The following PRDM16 variants were observed in gnomAD, a reference collection of about 807,000 sequenced individuals.
PRDM16 encodes PR/SET domain 16.
A neutral mutation model predicts 110.6 loss-of-function variants in PRDM16; 23 were observed. The ratio of observed to expected loss-of-function variants is 0.21; its 90% CI spans 0.15 to 0.29. PRDM16 has a LOEUF of 0.29. Among genes scored for constraint, PRDM16 ranks in the 10% least tolerant of loss-of-function variants. The pLI is 1.00. For synonymous variants in PRDM16, 799 were observed against 781.8 expected (o/e 1.02, Z -0.37); for missense variants, 1,615 against 1,794.3 (o/e 0.90, Z 1.81).
Position 3,425,244 on chromosome 1 carries a change from AT to A in PRDM16, c.2940-330del, listed in dbSNP as rs1259519600. 1.2e-4 allele frequency: 22 copies of A among 181,930 alleles called. No homozygotes were observed. The highest frequency in any genetic ancestry group is 4.7e-4 in the African/African-American group (20 of 42,300). 11.3% of individuals were successfully genotyped at this position (181,930 alleles called of 1,614,324 possible). On this transcript the variant is annotated intron_variant, in intron 12 of 16. Transcript: ENST00000270722. The surrounding 1 kb of genome is among the most constrained non-coding windows in gnomAD (Gnocchi z 6.9). ...AGGCGCCCACCACCACGACTGGCTG[AT>A]TTTTTTGTATTTTTAGTAGAGACGG... is the stretch of plus-strand genomic sequence containing the variant.
intron 1 of PRDM16, among the ~76,000 whole-genome samples, chr1:3,154,254 C>T (rs1226049201): frequency 6.6e-6 from 1 of 152,182 alleles, no homozygotes; most frequent in Non-Finnish European, 1.5e-5. Context: ...GGCGCTGTCA[C>T]CACGGGCTGG....
chr1:3,253,601 T>C (rs1639987952), intron 3 of PRDM16, among the ~76,000 whole-genome samples: 1 of 151,986 alleles, frequency 6.6e-6, no homozygotes. Context: ...CTTAATCCAG[T>C]CTATCATTGT....
At position 3,436,527 on chromosome 1, in the gene PRDM16, T is replaced by C; in HGVS notation, c.*2716T>C. 4.3e-6 allele frequency: 1 copy of C among 230,792 alleles called. No homozygotes were observed. The allele number at this position is 230,792 out of a possible 1,614,324, so 14.3% of individuals were successfully genotyped here. On this transcript the variant is annotated 3_prime_UTR_variant, in exon 17 of 17. Coordinates refer to ENST00000270722, the MANE Select transcript of PRDM16 (RefSeq NM_022114.4). ...AGCACTTGGCGTTTTCAGGAGGCCC[T>C]GTTCTTAGAGCCCCTGACAAAGGCA... is the stretch of plus-strand genomic sequence containing the variant.
intron 8 of PRDM16, among the ~76,000 whole-genome samples, chr1:3,408,157 C>T (rs905305154): frequency 3.3e-5 from 5 of 152,290 alleles, no homozygotes; most frequent in South Asian, 2.1e-4. Flanking sequence ...GTCACAGCTG[C>T]GCAGGCGCTC....
At chr1:3,285,515 G>A (rs1196311394) in intron 3 of PRDM16, among the ~76,000 whole-genome samples, 1 of 152,166 alleles carries the variant, frequency 6.6e-6, no homozygotes, top group Admixed American at 6.5e-5. Context: ...CCTGGGAGCA[G>A]GCATGCTCCC....
chr1:3,335,027 A>G (rs1316830943), intron 3 of PRDM16, among the ~76,000 whole-genome samples: 1 of 152,194 alleles, frequency 6.6e-6, no homozygotes, highest in Non-Finnish European at 1.5e-5. Context: ...CAGCCCCGCC[A>G]TGTCAAGGGC....
intron 3 of PRDM16, among the ~76,000 whole-genome samples, chr1:3,326,210 C>A (rs1247347178): frequency 2.0e-5 from 3 of 152,198 alleles, no homozygotes; most frequent in Non-Finnish European, 4.4e-5. Flanking sequence ...CCTTGGCCCT[C>A]CTTGGCCATT....
chr1:3,224,277 T>G (rs2100871432), intron 2 of PRDM16, among the ~76,000 whole-genome samples: 1 of 152,306 alleles, frequency 6.6e-6, no homozygotes, highest in East Asian at 1.9e-4. Context: ...AATTCATAAT[T>G]GAACTCCATT....
chr1:3,402,870 G>T lies in PRDM16; in HGVS notation c.756G>T (p.Thr252=). The T allele has an allele frequency of 1.2e-6, 2 of 1,613,118 alleles. No homozygotes were observed. Among genetic ancestry groups the T allele is most frequent in the Non-Finnish European group, 1.7e-6 (2 of 1,180,006 alleles). ...ACCTGCGGCGCCATAAGAAGTACAC[G>T]TGTGGCTCAGTGGGGGCTGCGCTCT... is the stretch of plus-strand genomic sequence containing the variant. ...KLDLRRHKKY[T]CGSVGAALYE... The change falls in exon 6 of 17, where the codon ACG becomes ACT. Residue 252 remains threonine (T), a synonymous_variant. Transcript: ENST00000270722.
chr1:3,273,309 C>G lies in PRDM16; in HGVS notation c.438+29172C>G, dbSNP rs114304814. Among the ~76,000 whole-genome samples, 477 of 152,270 alleles carry G rather than the reference C, an allele frequency of 3.1e-3. 1 individual carries two copies. Among genetic ancestry groups the G allele is most frequent in the African/African-American group, 0.01 (436 of 41,548 alleles). ...CCAGAAGAAAGCCTGTTCTGCCATT[C>G]GAGGTGCCTTCTGGGCAGGAGTGGG... On this transcript the variant is annotated intron_variant, in intron 3 of 16. Transcript: ENST00000270722.
At chr1:3,155,093 G>A (rs1348617873) in intron 1 of PRDM16, among the ~76,000 whole-genome samples, 5 of 152,144 alleles carry the variant, frequency 3.3e-5, no homozygotes, top group Non-Finnish European at 1.5e-5. Context: ...GGCCAGCCTG[G>A]CATCCCCCCG....
intron 1 of PRDM16, among the ~76,000 whole-genome samples, chr1:3,163,865 G>A (rs1373356672): frequency 6.6e-6 from 1 of 152,212 alleles, no homozygotes; most frequent in Non-Finnish European, 1.5e-5. Flanking sequence ...TTAACCCATC[G>A]CATCCGTGAT....
chr1:3,326,581 G>T (rs1570079085), intron 3 of PRDM16, among the ~76,000 whole-genome samples: 1 of 152,086 alleles, frequency 6.6e-6, no homozygotes, highest in East Asian at 1.9e-4. Flanking sequence ...CCTCCCCTTT[G>T]GCACCTCAGG....
In PRDM16 at chr1:3,430,737, G is replaced by A. The variant is rs373310921; in HGVS notation, c.3285-135G>A. The stretch of plus-strand genomic sequence containing the variant: ...TCAGTGGCTGGGCCCAGGGACCCGC[G>A]GGAGCTCCCTCAGGAAGGGGGCTGA... On this transcript the variant is annotated intron_variant, in intron 14 of 16. Coordinates refer to ENST00000270722, the MANE Select transcript of PRDM16 (RefSeq NM_022114.4). 1.7e-3 allele frequency: 1,761 copies of A among 1,061,550 alleles called. 34 individuals carry two copies. In the South Asian group the frequency reaches 0.024, roughly 14 times the overall value. The allele number at this position is 1,061,550 out of a possible 1,614,324, so 65.8% of individuals were successfully genotyped here.
At chr1:3,150,151 G>A (rs540146050) in intron 1 of PRDM16, among the ~76,000 whole-genome samples, 1 of 152,336 alleles carries the variant, frequency 6.6e-6, no homozygotes, top group Non-Finnish European at 1.5e-5. Flanking sequence ...TACAAGCCTC[G>A]CACTGCGTAG....
At chr1:3,163,839 A>T (rs1643920249) in intron 1 of PRDM16, among the ~76,000 whole-genome samples, 2 of 152,224 alleles carry the variant, frequency 1.3e-5, no homozygotes, top group Admixed American at 1.3e-4. Context: ...AGCCACCCCC[A>T]GCAAGGTGAG....
intron 1 of PRDM16, among the ~76,000 whole-genome samples, chr1:3,118,916 A>G (rs1233226763): frequency 6.6e-6 from 1 of 152,228 alleles, no homozygotes; most frequent in African/African-American, 2.4e-5. Flanking sequence ...AAGGCCTGGG[A>G]GAGCCCCCTG....
intron 3 of PRDM16, among the ~76,000 whole-genome samples, chr1:3,257,787 A>AC (rs1243523449): frequency 3.9e-5 from 6 of 152,178 alleles, no homozygotes; most frequent in Non-Finnish European, 8.8e-5. Flanking sequence ...AACCAACCAC[A>AC]CATCGGAGCC....
intron 3 of PRDM16, among the ~76,000 whole-genome samples, chr1:3,326,194 G>A (rs535997496): frequency 2.6e-5 from 4 of 152,060 alleles, no homozygotes; most frequent in African/African-American, 4.8e-5. Flanking sequence ...GGCCATCCTC[G>A]ACCATCCTTG....
Sources: gnomAD v4.1 joint callset for allele counts (sites outside exome capture counted in the v4.1 genomes callset) on GRCh38, gnomAD v4.1.1 for gene constraint, Gnocchi (gnomAD v3.1) non-coding constraint, MANE v1.5 for transcripts, NCBI Gene and HGNC (gene_info 2026-07-23, HGNC 2026-07-21) for gene names.